The following PIK3CA variants were observed in gnomAD, a reference collection of about 807,000 sequenced individuals.
The protein encoded by PIK3CA is phosphatidylinositol 4,5-bisphosphate 3-kinase catalytic subunit alpha isoform.
PIK3CA carries 27 observed loss-of-function variants against 138.2 expected under a neutral mutation model. That is an observed-to-expected ratio of 0.20 (90% CI 0.14 to 0.27). The LOEUF (loss-of-function observed/expected upper bound fraction) is 0.27, where lower values mean the gene tolerates loss of function less well. PIK3CA is among the 10% of genes least tolerant of loss of function. The pLI is 1.00. For missense variants in PIK3CA, 544 were observed against 1,277.4 expected (o/e 0.43, Z 8.75); for synonymous variants, 358 against 413.2 (o/e 0.87, Z 1.62).
chr3:179,209,511 G>A, intron 6 of PIK3CA, 84 bp from the exon 7 acceptor site: 2 of 717,812 alleles, frequency 2.8e-6, no homozygotes, highest in Non-Finnish European at 4.5e-6. Context: ...GTTGATCTTT[G>A]TCTTCGTGAT....
At position 179,234,539 on chromosome 3, in the gene PIK3CA, G is replaced by A. The variant is rs1325620861; in HGVS notation, c.*175G>A. The A allele has an allele frequency of 2.2e-6, 1 of 449,750 alleles. No individual in the cohort carries two copies. Among genetic ancestry groups the A allele is most frequent in the East Asian group, 3.3e-5 (1 of 30,324 alleles). The allele number at this position is 449,750 out of a possible 1,614,324, so 27.9% of individuals were successfully genotyped here. ...TTTAAATAATGTAAACGCAAACAGG[G>A]TTTGATAGCACTTAAACTAGTTCAT... On this transcript the variant is annotated 3_prime_UTR_variant, in exon 21 of 21. Coordinates refer to ENST00000263967, the MANE Select transcript of PIK3CA (RefSeq NM_006218.4). This position sits in a 1 kb window ranked among gnomAD's most constrained non-coding sequence, Gnocchi z 5.1.
intron 4 of PIK3CA, 53 bp downstream of exon 4, chr3:179,201,593 G>A (rs1165932926): frequency 2.6e-6 from 3 of 1,157,608 alleles, no homozygotes; most frequent in Non-Finnish European, 3.6e-6. Context: ...TAATCACATT[G>A]AGGATGAGTA....
intron 20 of PIK3CA, chr3:179,233,277 G>A: frequency 2.5e-6 from 1 of 398,310 alleles, no homozygotes; most frequent in Admixed American, 4.4e-5. Flanking sequence ...GGGCTTCCTT[G>A]TCTTGTTCTA....
At position 179,238,921 on chromosome 3, in the gene PIK3CA, A is replaced by G. The variant is rs1725384325; in HGVS notation, c.*4557A>G. 4.6e-6 allele frequency: 1 copy of G among 218,068 alleles called. No homozygotes were observed. The allele number at this position is 218,068 out of a possible 1,614,324, so 13.5% of individuals were successfully genotyped here. On this transcript the variant is annotated 3_prime_UTR_variant, in exon 21 of 21. Transcript: ENST00000263967. The stretch of plus-strand genomic sequence containing the variant: ...GTTAGTCTTTAAATAAACTTCATGC[A>G]CCTATTCCACTTAAGGTTTTGCACC...
rs541318126 is a variant in PIK3CA at position 179,224,656 on chromosome 3, T to C, written c.2295-44T>C. 6.8e-6 allele frequency: 9 copies of C among 1,324,358 alleles called. 1 individual carries two copies. In the South Asian group the frequency reaches 1.4e-4, roughly 20 times the overall value. The allele number at this position is 1,324,358 out of a possible 1,614,324, so 82.0% of individuals were successfully genotyped here. ...TAAAATAAATTTCAGGGTAAAATAA[T>C]AATAAAGCAAAGGTACCTAGTAAAG... On this transcript the variant is annotated intron_variant, in intron 15 of 20. Transcript: ENST00000263967.
intron 1 of PIK3CA, among the ~76,000 whole-genome samples, chr3:179,187,313 G>A (rs369371123): frequency 1.6e-4 from 25 of 151,816 alleles, no homozygotes; most frequent in African/African-American, 3.9e-4. Context: ...CGAGGTGGGC[G>A]GATCACGAGG....
intron 10 of PIK3CA, 124 bp downstream of exon 10, chr3:179,218,458 T>C (rs1724893440): frequency 2.9e-6 from 2 of 689,964 alleles, no homozygotes; most frequent in East Asian, 5.8e-5. Context: ...ATTTACATGA[T>C]TTTTAAACTA....
chr3:179,183,868 TTAAA>T (rs1413704577), intron 1 of PIK3CA, among the ~76,000 whole-genome samples: 1 of 152,226 alleles, frequency 6.6e-6, no homozygotes, highest in Non-Finnish European at 1.5e-5. Context: ...TTGTTGTATA[TTAAA>T]TACTTTGGGA....
chr3:179,190,700 G>C (rs1248244040), intron 1 of PIK3CA, among the ~76,000 whole-genome samples: 3 of 151,912 alleles, frequency 2.0e-5, no homozygotes, highest in Admixed American at 6.6e-5. Context: ...TGTCTCCTCT[G>C]GAGGCTCAGT....
chr3:179,177,403 C>T (rs1475394677), intron 1 of PIK3CA, among the ~76,000 whole-genome samples: 1 of 151,390 alleles, frequency 6.6e-6, no homozygotes, highest in Non-Finnish European at 1.5e-5. Flanking sequence ...ACCTCCGCCT[C>T]CTCGTTTCAA....
chr3:179,161,595 G>A (rs1723282856), intron 1 of PIK3CA, among the ~76,000 whole-genome samples: 1 of 152,210 alleles, frequency 6.6e-6, no homozygotes, highest in Admixed American at 6.5e-5. Flanking sequence ...CTATCGGGAG[G>A]CTTAGGCAGC....
chr3:179,181,728 A>T (rs1177006338), intron 1 of PIK3CA, among the ~76,000 whole-genome samples: 1 of 152,196 alleles, frequency 6.6e-6, no homozygotes, highest in African/African-American at 2.4e-5. Flanking sequence ...GTATAAGTCT[A>T]CTAAATCATA....
In PIK3CA at chr3:179,230,016, C is replaced by T. The variant is rs1576947998; in HGVS notation, c.2679C>T (p.Ala893=). 6.2e-7 allele frequency: 1 copy of T among 1,610,780 alleles called. No individual in the cohort carries two copies. Among genetic ancestry groups the T allele is most frequent in the Non-Finnish European group, 8.5e-7 (1 of 1,177,400 alleles). The part of the protein sequence containing the change: ...DKNKGEIYDA[A]IDLFTRSCAG... ...TTATTCTTTGTAGATATGATGCAGC[C>T]ATTGACCTGTTTACACGTTCATGTG... is the stretch of plus-strand genomic sequence containing the variant. Residue 893 remains alanine (A), a synonymous_variant, in exon 19 of 21, where the codon GCC becomes GCT. Coordinates refer to ENST00000263967, the MANE Select transcript of PIK3CA (RefSeq NM_006218.4). The surrounding 1 kb of genome is among the most constrained non-coding windows in gnomAD (Gnocchi z 5.4).
At chr3:179,177,841 A>G (rs1560129488) in intron 1 of PIK3CA, among the ~76,000 whole-genome samples, 1 of 152,162 alleles carries the variant, frequency 6.6e-6, no homozygotes, top group Non-Finnish European at 1.5e-5. Flanking sequence ...TTTGCTCATC[A>G]AAAGACAGCA....
At chr3:179,218,876 A>C (rs955937994) in intron 10 of PIK3CA, among the ~76,000 whole-genome samples, 1 of 152,042 alleles carries the variant, frequency 6.6e-6, no homozygotes, top group African/African-American at 2.4e-5. Context: ...CATGTTGCAT[A>C]AGTAGGTGAA....
chr3:179,231,265 T>A (rs1725204453), intron 20 of PIK3CA, among the ~76,000 whole-genome samples: 1 of 152,178 alleles, frequency 6.6e-6, no homozygotes, highest in Non-Finnish European at 1.5e-5. Context: ...GCAGTAAACA[T>A]ACGATATGCA....
At chr3:179,186,652 G>A (rs1033210727) in intron 1 of PIK3CA, among the ~76,000 whole-genome samples, 1 of 152,152 alleles carries the variant, frequency 6.6e-6, no homozygotes, top group African/African-American at 2.4e-5. Flanking sequence ...GAAGGACAAT[G>A]AGCCCTATTT....
intron 9 of PIK3CA, among the ~76,000 whole-genome samples, chr3:179,211,025 T>G (rs1375009561): frequency 1.3e-5 from 2 of 152,108 alleles, no homozygotes; most frequent in Non-Finnish European, 2.9e-5. Flanking sequence ...TGTGACAATT[T>G]GAAAAAAACT....
intron 10 of PIK3CA, 91 bp downstream of exon 10, chr3:179,218,425 C>A (rs114587137): frequency 1.0e-6 from 1 of 974,756 alleles, no homozygotes; most frequent in Non-Finnish European, 1.5e-6. Context: ...TTTTACCATA[C>A]CTATTGGAAT....
Sources: gnomAD v4.1 joint callset for allele counts (sites outside exome capture counted in the v4.1 genomes callset) on GRCh38, gnomAD v4.1.1 for gene constraint, Gnocchi (gnomAD v3.1) non-coding constraint, MANE v1.5 for transcripts, NCBI Gene and HGNC (gene_info 2026-07-23, HGNC 2026-07-21) for gene names.